JUP: variants seen among roughly 807,000 people sequenced by gnomAD.
JUP encodes the protein junction plakoglobin.
In JUP, 28 loss-of-function variants were observed where a neutral mutation model predicts 71.1. That is an observed-to-expected ratio of 0.39 (90% confidence interval 0.29 to 0.54). JUP has a LOEUF of 0.54. JUP is among the 20% of genes least tolerant of loss of function. The pLI, the probability that JUP is intolerant of heterozygous loss-of-function variation, is 0.62. For missense variants in JUP, 869 were observed against 1,030.1 expected (o/e 0.84, Z 2.14); for synonymous variants, 401 against 438.9 (o/e 0.91, Z 1.08).
intron 7 of JUP, 102 bp from the exon 8 acceptor site, chr17:41,763,423 C>T: frequency 1.2e-6 from 1 of 807,834 alleles, no homozygotes; most frequent in Non-Finnish European, 2.0e-6. Flanking sequence ...GGGGTCAGCC[C>T]TGCCTGTGTG....
chr17:41,768,404 C>A (rs1381046148), intron 4 of JUP, among the ~76,000 whole-genome samples: 12 of 149,558 alleles, frequency 8.0e-5, no homozygotes, highest in South Asian at 2.1e-4. Context: ...CATCTCAAAA[C>A]AAAAAAAAAT....
Position 41,769,529 on chromosome 17 carries a change from C to T in JUP, c.357G>A (p.Pro119=), listed in dbSNP as rs782579395. 5.1e-5 allele frequency: 82 copies of T among 1,611,284 alleles called. No individual in the cohort carries two copies. Among genetic ancestry groups the T allele is most frequent in the Middle Eastern group, 1.7e-4 (1 of 6,052 alleles). ...CAATGGCCGACTTGAGCAGCTGGGA[C>T]GGCTCGGCCAGTCGCTGCAGGTTGG... ...QATNLQRLAE[P]SQLLKSAIVH... Residue 119 remains proline, a synonymous_variant, in exon 3 of 14, where the codon CCG becomes CCA. Coordinates refer to ENST00000393931, the MANE Select transcript of JUP (RefSeq NM_002230.4).
At position 41,763,108 on chromosome 17, in the gene JUP, C is replaced by A. The variant is rs139559495; in HGVS notation, c.1372G>T (p.Ala458Ser). 1 of 1,614,198 alleles carries A rather than the reference C, an allele frequency of 6.2e-7. No homozygotes were observed. Among genetic ancestry groups the A allele is most frequent in the Non-Finnish European group, 8.5e-7 (1 of 1,180,030 alleles). The change falls in exon 8 of 14, where the codon GCT (alanine) becomes TCT (serine). Residue 458 changes from alanine to serine, a missense_variant. Ala to Ser is a moderately conservative substitution (Grantham distance 99, BLOSUM62 1). Coordinates refer to ENST00000393931, the MANE Select transcript of JUP (RefSeq NM_002230.4). Reference sequence around the variant, plus strand: ...TGGCGGCTAGTGAGGTGGCGCAGAGCGCAGACGGCAGGCTCCGTGATGTCG... The same window carrying A: ...TGGCGGCTAGTGAGGTGGCGCAGAGAGCAGACGGCAGGCTCCGTGATGTCG... ...KDDITEPAVCALRHLTSRHPE... is the reference protein window; with the variant it reads ...KDDITEPAVCSLRHLTSRHPE...
chr17:41,782,917 T>C (rs1365399106), intron 1 of JUP, among the ~76,000 whole-genome samples: 1 of 151,862 alleles, frequency 6.6e-6, no homozygotes, highest in African/African-American at 2.4e-5. Flanking sequence ...ACCAACATGG[T>C]GAAACCCCAT....
At chr17:41,770,574 CG>C (rs1916494940) in intron 2 of JUP, among the ~76,000 whole-genome samples, 1 of 152,168 alleles carries the variant, frequency 6.6e-6, no homozygotes, top group Non-Finnish European at 1.5e-5. Flanking sequence ...GACTGGCATG[CG>C]AGGGCTGAGC....
chr17:41,767,901 C>T (rs557632774), intron 4 of JUP, among the ~76,000 whole-genome samples: 1 of 152,312 alleles, frequency 6.6e-6, no homozygotes. Flanking sequence ...TTAGAGAGGC[C>T]TTGCAAGGCG....
chr17:41,778,931 T>C (rs2047021867), intron 1 of JUP, among the ~76,000 whole-genome samples: 1 of 142,356 alleles, frequency 7.0e-6, no homozygotes, highest in African/African-American at 2.6e-5. Flanking sequence ...AAAAAAAGGA[T>C]GCTAAGAAAA....
In JUP at chr17:41,758,711, A is replaced by T. The variant is rs941164072; in HGVS notation, c.1653+4T>A. 6.3e-7 allele frequency: 1 copy of T among 1,599,260 alleles called. No individual in the cohort carries two copies. The highest frequency in any genetic ancestry group is 8.5e-7 in the Non-Finnish European group (1 of 1,173,314). On this transcript the variant is annotated splice_donor_region_variant and intron_variant, in intron 9 of 13. Transcript: ENST00000393931. The stretch of plus-strand genomic sequence containing the variant: ...GCTGTCAGAGGCACCACCAGCTCAC[A>T]TACCGTGTAGGGCTGCTGTGTGCCT...
intron 1 of JUP, among the ~76,000 whole-genome samples, chr17:41,779,342 T>C (rs1240329500): frequency 6.8e-6 from 1 of 147,206 alleles, no homozygotes; most frequent in Non-Finnish European, 1.5e-5. Context: ...AATTTTTTTT[T>C]TTTTTTTTTT....
Position 41,758,863 on chromosome 17 carries a change from A to G in JUP, c.1505T>C (p.Ile502Thr). Residue 502 changes from isoleucine (I) to threonine (T), a missense_variant, in exon 9 of 14, where the codon ATC becomes ACC. Transcript: ENST00000393931. ...PNQWPLVKAT[I>T]GLIRNLALCP... ...CAGGGCCAGATTCCTGATCAAGCCGATGGTTGCCTGGCAAAAAAAGGGGCA... is the reference window on the plus strand; with the variant it reads ...CAGGGCCAGATTCCTGATCAAGCCGGTGGTTGCCTGGCAAAAAAAGGGGCA... 1 of 1,606,778 alleles carries G rather than the reference A, an allele frequency of 6.2e-7. No individual in the cohort carries two copies. The highest frequency in any genetic ancestry group is 8.5e-7 in the Non-Finnish European group (1 of 1,174,744).
chr17:41,771,506 T>C, intron 2 of JUP, 141 bp downstream of exon 2: 1 of 723,974 alleles, frequency 1.4e-6, no homozygotes, highest in Non-Finnish European at 2.4e-6. Context: ...TCCTTCAGAC[T>C]GGGTGGGCCC....
intron 1 of JUP, among the ~76,000 whole-genome samples, chr17:41,780,380 G>A (rs1445843889): frequency 6.6e-6 from 1 of 151,758 alleles, no homozygotes; most frequent in Admixed American, 6.6e-5. Context: ...CTAAGGGACA[G>A]AGCGAGTCCC....
chr17:41,761,080 C>A (rs1914732536), intron 8 of JUP, among the ~76,000 whole-genome samples: 1 of 152,190 alleles, frequency 6.6e-6, no homozygotes. Flanking sequence ...CACACCCTGA[C>A]CCACTCTCAC....
rs60346985 is a variant in JUP at position 41,764,534 on chromosome 17, G to GGAAAAAAAAA, written c.1158+178_1158+179insTTTTTTTTTC. ...TAGGTGACAGAGTGAGACTCCGTCAGAAAAAAAAAAAAAAAAAAAAAAAGA... is the reference window on the plus strand; with the variant it reads ...TAGGTGACAGAGTGAGACTCCGTCAGGAAAAAAAAAAAAAAAAAAAAAAAAAAAAAAAAGA... On this transcript the variant is annotated intron_variant, in intron 7 of 13. Transcript: ENST00000393931. Among the ~76,000 whole-genome samples, 2 of 83,910 alleles carry GGAAAAAAAAA rather than the reference G, an allele frequency of 2.4e-5. 1 individual carries two copies. The allele number at this position is 83,910 out of a possible 152,430, so 55.0% of individuals were successfully genotyped here. A position where few individuals can be genotyped will look rare whatever the true frequency, so the allele number is the denominator to read the frequency against.
chr17:41,781,713 G>A (rs1342373609), intron 1 of JUP, among the ~76,000 whole-genome samples: 4 of 152,176 alleles, frequency 2.6e-5, no homozygotes, highest in African/African-American at 9.7e-5. Context: ...CTCCCCAAAG[G>A]GCAGCAATTC....
At chr17:41,784,230 G>A (rs1555611161) in intron 1 of JUP, among the ~76,000 whole-genome samples, 1 of 152,008 alleles carries the variant, frequency 6.6e-6, no homozygotes, top group Non-Finnish European at 1.5e-5. Flanking sequence ...TCGTTCCTAT[G>A]CACTGCATTC....
intron 1 of JUP, among the ~76,000 whole-genome samples, chr17:41,776,789 A>T (rs989862260): frequency 7.9e-5 from 12 of 151,966 alleles, no homozygotes; most frequent in African/African-American, 2.9e-4. Context: ...GGTGGATCAC[A>T]AGGTCAGGAG....
In JUP at chr17:41,757,773, CG is replaced by C; in HGVS notation, c.1784del (p.Ser595CysfsTer92). ...CCACGCGCTGGATGTTCTCCACCGA[CG>C]AGTACAGGAGCTGGGGAGAGGGGAC... ...TIPLFVQLLY[S>X]SVENIQRVAA... On this transcript the variant is annotated frameshift_variant, in exon 11 of 14. Transcript: ENST00000393931. LOFTEE classifies it high-confidence loss of function. The C allele has an allele frequency of 1.2e-6, 2 of 1,610,196 alleles. No homozygotes were observed. Among genetic ancestry groups the C allele is most frequent in the Non-Finnish European group, 1.7e-6 (2 of 1,178,038 alleles).
rs1597835225 is a variant in JUP at position 41,771,780 on chromosome 17, A to C, written c.75T>G (p.Gly25=). Residue 25 remains glycine, a synonymous_variant, in exon 2 of 14, where the codon GGT becomes GGG. Coordinates refer to ENST00000393931, the MANE Select transcript of JUP (RefSeq NM_002230.4). The part of the protein sequence containing the change: ...EWQQTYTYDS[G]IHSGANTCVP... ...CGCAGGTGTTGGCGCCCGAGTGGAT[A>C]CCCGAGTCGTAGGTGTATGTCTGCT... 6 of 1,613,908 alleles carry C rather than the reference A, an allele frequency of 3.7e-6. No homozygotes were observed. The highest frequency in any genetic ancestry group is 3.4e-6 in the Non-Finnish European group (4 of 1,179,990).
Sources: allele counts gnomAD v4.1 joint callset (sites outside exome capture counted in the v4.1 genomes callset), GRCh38; gene constraint gnomAD v4.1.1; transcripts MANE v1.5; gene names NCBI Gene and HGNC (gene_info 2026-07-23, HGNC 2026-07-21).